RPS6: variants seen among roughly 807,000 people sequenced by gnomAD.
RPS6 encodes the protein small ribosomal subunit protein eS6.
Under a neutral mutation model 27.1 loss-of-function variants are expected in RPS6, and 1 was observed. That is an observed-to-expected ratio of 0.04 (90% CI 0.01 to 0.18). The LOEUF (loss-of-function observed/expected upper bound fraction) is 0.18, where lower values mean the gene tolerates loss of function less well. Among genes scored for constraint, RPS6 ranks in the 10% least tolerant of loss-of-function variants. The pLI is 1.00. For synonymous variants in RPS6, 152 were observed against 106.0 expected (o/e 1.43, Z -2.66); for missense variants, 259 against 319.1 (o/e 0.81, Z 1.44).
At position 19,378,903 on chromosome 9, in the gene RPS6, T is replaced by A; in HGVS notation, c.154A>T (p.Ile52Phe). ...CCTTGTTTGTCGTTCCCACCACTGA[T>A]TCGGACCACATAACCCTGCAAGAGC... is the stretch of plus-strand genomic sequence containing the variant. ...GEEWKGYVVR[I>F]SGGNDKQGFP... The change falls in exon 3 of 6, where the codon ATC becomes TTC. Residue 52 changes from isoleucine to phenylalanine, a missense_variant. Physicochemically the swap from Ile to Phe is conservative, Grantham distance 21 (BLOSUM62 0). Transcript: ENST00000380394. 1 of 1,614,180 alleles carries A rather than the reference T, an allele frequency of 6.2e-7. No homozygotes were observed. The highest frequency in any genetic ancestry group is 8.5e-7 in the Non-Finnish European group (1 of 1,180,010).
intron 4 of RPS6, among the ~76,000 whole-genome samples, chr9:19,377,178 T>C (rs556121942): frequency 2.6e-4 from 40 of 152,340 alleles, no homozygotes; most frequent in African/African-American, 8.9e-4. Context: ...CATTGGAGCA[T>C]AGGCCTTTTC....
intron 2 of RPS6, chr9:19,379,152 C>G: frequency 2.5e-6 from 2 of 791,018 alleles, no homozygotes; most frequent in Non-Finnish European, 3.9e-6. Flanking sequence ...TTAGAGATAA[C>G]AGCACTAAGA....
chr9:19,377,165 C>A lies in RPS6; in HGVS notation c.497-514G>T, dbSNP rs190095840. Among the ~76,000 whole-genome samples the A allele has an allele frequency of 8.5e-4, 130 of 152,314 alleles. 1 individual carries two copies. The highest frequency in any genetic ancestry group is 6.5e-3 in the Admixed American group (100 of 15,290). The stretch of plus-strand genomic sequence containing the variant: ...CCAAAACTGCTCATGGATTACAGAT[C>A]TGCATTGGAGCATAGGCCTTTTCAG... On this transcript the variant is annotated intron_variant, in intron 4 of 5. Transcript: ENST00000380394.
At chr9:19,379,277 A>G in intron 2 of RPS6, 1 of 1,458,460 alleles carries the variant, frequency 6.9e-7, no homozygotes, top group Non-Finnish European at 9.1e-7. Flanking sequence ...GGCAAGAATT[A>G]TGTTGATGTA....
intron 5 of RPS6, 22 bp from the exon 6 acceptor site, chr9:19,376,410 A>G (rs2277151): frequency 0.22 from 362,225 of 1,613,024 alleles, 46,722 homozygotes; most frequent in East Asian, 0.61. Flanking sequence ...AAAACAGCAA[A>G]CAGTTAAGGC....
Position 19,379,604 on chromosome 9 carries a change from G to A in RPS6, c.21C>T (p.Phe7=), listed in dbSNP as rs759233340. MKLNIS[F]PATGCQKLIE... is the part of the protein sequence containing the mutation. ...TGAGTTTCTGGCAGCCAGTGGCTGGGAAGGAGATGTTCAGCTAAGGATTAA... is the reference window on the plus strand; with the variant it reads ...TGAGTTTCTGGCAGCCAGTGGCTGGAAAGGAGATGTTCAGCTAAGGATTAA... Residue 7 remains phenylalanine, a synonymous_variant, in exon 2 of 6, where the codon TTC becomes TTT. Transcript: ENST00000380394. The A allele has an allele frequency of 1.2e-6, 2 of 1,613,766 alleles. No homozygotes were observed. Among genetic ancestry groups the A allele is most frequent in the African/African-American group, 1.3e-5 (1 of 75,026 alleles).
At chr9:19,376,414 T>A (rs1829588928) in intron 5 of RPS6, 26 bp from the exon 6 acceptor site, 2 of 1,613,502 alleles carry the variant, frequency 1.2e-6, no homozygotes, top group Non-Finnish European at 1.7e-6. Context: ...CAGCAAACAG[T>A]TAAGGCCTTT....
At position 19,380,234 on chromosome 9, in the gene RPS6, G is replaced by C. The variant is rs17523533; in HGVS notation, c.-39C>G. The C allele has an allele frequency of 1.2e-5, 19 of 1,609,346 alleles. No individual in the cohort carries two copies. The highest frequency in any genetic ancestry group is 2.2e-5 in the East Asian group (1 of 44,844). On this transcript the variant is annotated 5_prime_UTR_variant, in exon 1 of 6. Transcript: ENST00000380394. ...AACGCCTCCGAGGCGCCACGGAAAA[G>C]AGGGCCAACTTCCGCTTAGCGCAGG...
Position 19,376,223 on chromosome 9 carries a change from GTTTTC to G in RPS6, c.*65_*69del. The G allele has an allele frequency of 7.6e-7, 1 of 1,314,248 alleles. No individual in the cohort carries two copies. The highest frequency in any genetic ancestry group is 1.1e-6 in the Non-Finnish European group (1 of 931,220). 81.4% of individuals were successfully genotyped at this position (1,314,248 alleles called of 1,614,324 possible). On this transcript the variant is annotated 3_prime_UTR_variant, in exon 6 of 6. Transcript: ENST00000380394. ...AACTTTCCCTCTCTTCATTTATGTAGTTTTCTATCAGCAATGAAAAGTCAACAGAG... is the reference window on the plus strand; with the variant it reads ...AACTTTCCCTCTCTTCATTTATGTAGTATCAGCAATGAAAAGTCAACAGAG...
In RPS6 at chr9:19,378,419, T is replaced by C. The variant is rs1264516165; in HGVS notation, c.445A>G (p.Lys149Glu). ...SRIRKLFNLS[K>E]EDDVRQYVVR... The stretch of plus-strand genomic sequence containing the variant: ...ACATACTGGCGGACATCATCTTCTT[T>C]AGAGAGATTGAAAAGTTTGCGGATT... Residue 149 changes from lysine to glutamate, a missense_variant, in exon 4 of 6, where the codon AAA becomes GAA. Around this residue, in one of 3 missense-constraint regions of RPS6, gnomAD observed 191 missense variants for 231.6 expected, o/e 0.82. Coordinates refer to ENST00000380394, the MANE Select transcript of RPS6 (RefSeq NM_001010.3). 6.2e-7 allele frequency: 1 copy of C among 1,613,714 alleles called. No individual in the cohort carries two copies. The highest frequency in any genetic ancestry group is 8.5e-7 in the Non-Finnish European group (1 of 1,180,020).
chr9:19,378,020 T>C (rs1225539265), intron 4 of RPS6, among the ~76,000 whole-genome samples: 1 of 152,192 alleles, frequency 6.6e-6, no homozygotes, highest in Non-Finnish European at 1.5e-5. Context: ...GAACATCTGA[T>C]ATAAAATTAC....
Position 19,380,187 on chromosome 9 carries a change from T to C in RPS6, c.6+3A>G, listed in dbSNP as rs755646427. 6 of 1,613,964 alleles carry C rather than the reference T, an allele frequency of 3.7e-6. No homozygotes were observed. Among genetic ancestry groups the C allele is most frequent in the South Asian group, 2.2e-5 (2 of 91,082 alleles). Reference sequence around the variant, plus strand: ...CAGTCTAACACTCGCCACCATCACCTACCTTCATCTTGAAGCAGCTGAACG... The same window carrying C: ...CAGTCTAACACTCGCCACCATCACCCACCTTCATCTTGAAGCAGCTGAACG... On this transcript the variant is annotated splice_donor_region_variant and intron_variant, in intron 1 of 5. Coordinates refer to ENST00000380394, the MANE Select transcript of RPS6 (RefSeq NM_001010.3).
chr9:19,377,510 G>GTA (rs1829805801), intron 4 of RPS6, among the ~76,000 whole-genome samples: 1 of 151,562 alleles, frequency 6.6e-6, no homozygotes, highest in Non-Finnish European at 1.5e-5. Flanking sequence ...CTTAACAGAC[G>GTA]TATACTATCT....
chr9:19,380,028 G>C, intron 1 of RPS6, 162 bp downstream of exon 1: 1 of 1,531,330 alleles, frequency 6.5e-7, no homozygotes, highest in Non-Finnish European at 8.8e-7. Flanking sequence ...CCATCCGTTC[G>C]GCCAAAAAGC....
At position 19,377,392 on chromosome 9, in the gene RPS6, C is replaced by CTTTT. The variant is rs77882767; in HGVS notation, c.497-745_497-742dup. ...GCAACTGCCACCTATTTGTCAATTG[C>CTTTT]TTTTTTTTTTTTTTTTGCAACATCA... On this transcript the variant is annotated intron_variant, in intron 4 of 5. Coordinates refer to ENST00000380394, the MANE Select transcript of RPS6 (RefSeq NM_001010.3). Among the ~76,000 whole-genome samples the CTTTT allele has an allele frequency of 2.4e-3, 312 of 132,438 alleles. 4 individuals are homozygous for CTTTT. Among genetic ancestry groups the CTTTT allele is most frequent in the African/African-American group, 7.8e-3 (282 of 36,164 alleles). The allele number at this position is 132,438 out of a possible 152,430, so 86.9% of individuals were successfully genotyped here.
intron 3 of RPS6, 46 bp from the exon 4 acceptor site, chr9:19,378,560 A>G: frequency 6.2e-7 from 1 of 1,602,970 alleles, no homozygotes. Flanking sequence ...AACTTCCTTA[A>G]GAATCCTAAA....
chr9:19,380,120 G>A (rs1271716087), intron 1 of RPS6, 70 bp downstream of exon 1: 4 of 1,613,992 alleles, frequency 2.5e-6, no homozygotes, highest in East Asian at 2.2e-5. Context: ...CTGGAACTGA[G>A]GCAATGCCGC....
Position 19,379,608 on chromosome 9 carries a change from G to C in RPS6, c.17C>G (p.Ser6Cys). The change falls in exon 2 of 6, where the codon TCC (serine) becomes TGC (cysteine). Residue 6 changes from serine to cysteine, a missense_variant. Around this residue, in one of 3 missense-constraint regions of RPS6, gnomAD observed 65 missense variants for 66.6 expected, o/e 0.98. Transcript: ENST00000380394. MKLNI[S>C]FPATGCQKLI... ...TTTCTGGCAGCCAGTGGCTGGGAAG[G>C]AGATGTTCAGCTAAGGATTAAAAGG... The C allele has an allele frequency of 1.2e-6, 2 of 1,613,614 alleles. No individual in the cohort carries two copies. The highest frequency in any genetic ancestry group is 8.5e-7 in the Non-Finnish European group (1 of 1,179,718).
chr9:19,376,346 T>G lies in RPS6; in HGVS notation c.697A>C (p.Arg233=). The change falls in exon 6 of 6, where the codon AGA becomes CGA. Residue 233 remains arginine (R), a synonymous_variant. Coordinates refer to ENST00000380394, the MANE Select transcript of RPS6 (RefSeq NM_001010.3). ...GTAGAAGCTCGCAGAGAGGAAAGTC[T>G]GCGTCTCTTCGCAATTTGTTCCTGG... ...KRQEQIAKRR[R]LSSLRASTSK... 6.2e-7 allele frequency: 1 copy of G among 1,614,180 alleles called. No individual in the cohort carries two copies. The highest frequency in any genetic ancestry group is 1.1e-5 in the South Asian group (1 of 91,076).
Sources: allele counts gnomAD v4.1 joint callset (sites outside exome capture counted in the v4.1 genomes callset), GRCh38; gene constraint gnomAD v4.1.1; regional missense constraint gnomAD v4.1.1; transcripts MANE v1.5; gene names NCBI Gene and HGNC (gene_info 2026-07-23, HGNC 2026-07-21).